Variants in PIK3C2B observed in about 807,000 individuals in gnomAD.
PIK3C2B encodes phosphatidylinositol 4-phosphate 3-kinase C2 domain-containing subunit beta.
PIK3C2B carries 83 observed loss-of-function variants against 184.3 expected under a neutral mutation model. The ratio of observed to expected loss-of-function variants is 0.45; its 90% CI spans 0.38 to 0.54. PIK3C2B has a LOEUF of 0.54. Ranked by LOEUF, PIK3C2B falls within the 20% of genes least tolerant of loss-of-function variation. PIK3C2B has a pLI of 0.00. For synonymous variants in PIK3C2B, 779 were observed against 837.6 expected (o/e 0.93, Z 1.21); for missense variants, 1,736 against 2,113.5 (o/e 0.82, Z 3.50).
chr1:204,438,075 C>G (rs956654917), intron 23 of PIK3C2B, among the ~76,000 whole-genome samples: 1 of 152,230 alleles, frequency 6.6e-6, no homozygotes, highest in Non-Finnish European at 1.5e-5. Flanking sequence ...ATTACACATT[C>G]ACTAAACAAT....
chr1:204,473,562 G>A (rs548773070), intron 1 of PIK3C2B, among the ~76,000 whole-genome samples: 18 of 152,326 alleles, frequency 1.2e-4, no homozygotes, highest in African/African-American at 4.3e-4. Context: ...GCTCAAAGTT[G>A]GATTGGGCTT....
rs1018742680 is a variant in PIK3C2B, at chr1:204,449,982, C to A, written c.2102G>T (p.Arg701Leu). The A allele has an allele frequency of 3.1e-6, 5 of 1,591,224 alleles. No individual in the cohort carries two copies. Among genetic ancestry groups the A allele is most frequent in the Non-Finnish European group, 4.3e-6 (5 of 1,168,446 alleles). ...GAGAGTGGCACACAGCAGTGTCTCC[C>A]GAGGCAGCCGGTTCACCTGCACTGG... ...CFPVQVNRLP[R>L]ETLLCATLYA... Residue 701 changes from arginine (R) to leucine (L), a missense_variant, in exon 13 of 33, where the codon CGG becomes CTG. Physicochemically the swap from Arg to Leu is moderately radical, Grantham distance 102. This residue lies in a region of PIK3C2B where 609 missense variants were observed against 699.2 expected (regional missense o/e 0.87). Coordinates refer to ENST00000684373, the MANE Select transcript of PIK3C2B (RefSeq NM_001377334.1).
In PIK3C2B at chr1:204,464,113, C is replaced by T. The variant is rs1307030564; in HGVS notation, c.1209G>A (p.Leu403=). The change falls in exon 5 of 33, where the codon TTG becomes TTA. Residue 403 remains leucine (L), a synonymous_variant. Transcript: ENST00000684373. ...TGTAGCACAGGGTCTGGTAGATAAG[C>T]AAGTCTACAGTGGAGGAACCTGTGA... ...FTCNCSSTVD[L]LIYQTLCYTH... 2 of 1,614,016 alleles carry T rather than the reference C, an allele frequency of 1.2e-6. No homozygotes were observed. The highest frequency in any genetic ancestry group is 3.3e-5 in the Admixed American group (2 of 59,980).
In PIK3C2B at chr1:204,449,311, G is replaced by C. The variant is rs1654153533; in HGVS notation, c.2235-15C>G. The C allele has an allele frequency of 1.3e-6, 2 of 1,579,792 alleles. No homozygotes were observed. The highest frequency in any genetic ancestry group is 1.7e-6 in the Non-Finnish European group (2 of 1,154,816). The stretch of plus-strand genomic sequence containing the variant: ...AGGTCAGGACCCTAAGAAGGAGGGA[G>C]AGTGGGAAGAGCTGCTAAAGTGGCT... On this transcript the variant is annotated splice_polypyrimidine_tract_variant and intron_variant, in intron 13 of 32. Transcript: ENST00000684373.
chr1:204,428,013 A>G, intron 30 of PIK3C2B, 126 bp downstream of exon 30: 1 of 660,036 alleles, frequency 1.5e-6, no homozygotes, highest in South Asian at 1.9e-5. Flanking sequence ...TAGATTTCCC[A>G]GAGAGTAAGA....
At position 204,459,904 on chromosome 1, in the gene PIK3C2B, C is replaced by G. The variant is rs1252780075; in HGVS notation, c.1540G>C (p.Glu514Gln). The change falls in exon 8 of 33, where the codon GAG becomes CAG. Residue 514 changes from glutamate (E) to glutamine (Q), a missense_variant. Physicochemically the swap from Glu to Gln is conservative, Grantham distance 29 (BLOSUM62 2). Coordinates refer to ENST00000684373, the MANE Select transcript of PIK3C2B (RefSeq NM_001377334.1). ...LSLLFDTYHNEVDAFLLADGD... is the reference protein window; with the variant it reads ...LSLLFDTYHNQVDAFLLADGD... The stretch of plus-strand genomic sequence containing the variant: ...TCAGCCAGCAGGAAGGCATCCACCT[C>G]ATTGTGGTAAGTGTCGAACAGAAGA... 3 of 1,613,806 alleles carry G rather than the reference C, an allele frequency of 1.9e-6. No homozygotes were observed. Among genetic ancestry groups the G allele is most frequent in the Non-Finnish European group, 1.7e-6 (2 of 1,180,004 alleles).
chr1:204,481,156 C>A lies in PIK3C2B; in HGVS notation c.-84-11270G>T, dbSNP rs1198070847. 3.9e-5 allele frequency among the ~76,000 whole-genome samples: 6 copies of A among 151,990 alleles called. 1 individual carries two copies. The highest frequency in any genetic ancestry group is 3.9e-4 in the East Asian group (2 of 5,168). On this transcript the variant is annotated intron_variant, in intron 1 of 32. Transcript: ENST00000684373. ...GCTTATCCCATACCCCTCACACCCT[C>A]CCCATACACACCCTACTCTCCCCCG...
intron 1 of PIK3C2B, among the ~76,000 whole-genome samples, chr1:204,489,365 T>C (rs1418116483): frequency 6.6e-6 from 1 of 152,016 alleles, no homozygotes; most frequent in African/African-American, 2.4e-5. Flanking sequence ...AGAGACAAGG[T>C]CTTGCTATGT....
chr1:204,491,569 T>C (rs887735165), intron 1 of PIK3C2B, among the ~76,000 whole-genome samples: 7 of 152,010 alleles, frequency 4.6e-5, no homozygotes, highest in Non-Finnish European at 1.5e-5. Context: ...GGTGCATGCC[T>C]ATAGTCCAAG....
At position 204,447,284 on chromosome 1, in the gene PIK3C2B, C is replaced by A. The variant is rs1390247106; in HGVS notation, c.2489+152G>T. 1.5e-6 allele frequency: 1 copy of A among 663,416 alleles called. No individual in the cohort carries two copies. The highest frequency in any genetic ancestry group is 2.1e-5 in the South Asian group (1 of 47,920). 41.1% of individuals were successfully genotyped at this position (663,416 alleles called of 1,614,324 possible). On this transcript the variant is annotated intron_variant, in intron 15 of 32. Transcript: ENST00000684373. The surrounding 1 kb of genome is among the most constrained non-coding windows in gnomAD (Gnocchi z 4.1). Reference sequence around the variant, plus strand: ...ACCTCTCCACTTTTCCTAGTGTCAGCTGATGGAGAAAGGCCTGGGGGCTGC... The same window carrying A: ...ACCTCTCCACTTTTCCTAGTGTCAGATGATGGAGAAAGGCCTGGGGGCTGC...
chr1:204,466,938 G>A (rs16853773), intron 2 of PIK3C2B: 97,540 of 532,072 alleles, frequency 0.18, 10,592 homozygotes, highest in East Asian at 0.4. Flanking sequence ...GAAGCCCGAC[G>A]AAAGCGGGGC....
chr1:204,457,849 C>T lies in PIK3C2B; in HGVS notation c.1592G>A (p.Arg531Lys). 1 of 1,613,232 alleles carries T rather than the reference C, an allele frequency of 6.2e-7. No individual in the cohort carries two copies. Among genetic ancestry groups the T allele is most frequent in the Non-Finnish European group, 8.5e-7 (1 of 1,179,752 alleles). ...GATGGCCTTGACGGACTGGACCACC[C>T]TGTCAGCCTTCAGTGGGAAGTCTCC... ...ADGDFPLKAD[R>K]VVQSVKAICN... The change falls in exon 9 of 33, where the codon AGG (arginine) becomes AAG (lysine). Residue 531 changes from arginine (R) to lysine (K), a missense_variant. By Grantham distance (26) the Arg-to-Lys change is conservative. Around this residue, in one of 8 missense-constraint regions of PIK3C2B, gnomAD observed 609 missense variants for 699.2 expected, o/e 0.87. Transcript: ENST00000684373.
chr1:204,486,241 T>G (rs1200470304), intron 1 of PIK3C2B, among the ~76,000 whole-genome samples: 1 of 150,906 alleles, frequency 6.6e-6, no homozygotes, highest in Non-Finnish European at 1.5e-5. Context: ...ACTAAATATA[T>G]AAAGTTAGCT....
rs1403005161 is a variant in PIK3C2B at position 204,442,525 on chromosome 1, C to T, written c.3156+1G>A. 1 of 1,549,084 alleles carries T rather than the reference C, an allele frequency of 6.5e-7. No individual in the cohort carries two copies. Among genetic ancestry groups the T allele is most frequent in the Non-Finnish European group, 8.7e-7 (1 of 1,144,272 alleles). ...GAGCCCCAAACCTACCAGTCACTCA[C>T]CCTGGGCACAATTCCCTTAACCAGC... On this transcript the variant is annotated splice_donor_variant, in intron 20 of 32. Coordinates refer to ENST00000684373, the MANE Select transcript of PIK3C2B (RefSeq NM_001377334.1). LOFTEE classifies it high-confidence loss of function.
In PIK3C2B at chr1:204,455,914, T is replaced by C; in HGVS notation, c.1885A>G (p.Arg629Gly). The C allele has an allele frequency of 6.2e-7, 1 of 1,614,174 alleles. No individual in the cohort carries two copies. The highest frequency in any genetic ancestry group is 1.7e-5 in the Admixed American group (1 of 60,026). Reference sequence around the variant, plus strand: ...GCATAGACAGTGAAGGCCAGGGACCTGGCGAAATGGCAGGCCTCCTGGACC... The same window carrying C: ...GCATAGACAGTGAAGGCCAGGGACCCGGCGAAATGGCAGGCCTCCTGGACC... ...DLVQEACHFARSLAFTVYATH... is the reference protein window; with the variant it reads ...DLVQEACHFAGSLAFTVYATH... Residue 629 changes from arginine to glycine, a missense_variant, in exon 11 of 33, where the codon AGG becomes GGG. Coordinates refer to ENST00000684373, the MANE Select transcript of PIK3C2B (RefSeq NM_001377334.1).
chr1:204,492,655 G>A (rs567952376), intron 1 of PIK3C2B, among the ~76,000 whole-genome samples: 1 of 152,194 alleles, frequency 6.6e-6, no homozygotes, highest in South Asian at 2.1e-4. Context: ...AGACCACCAA[G>A]GAAGTCCAAA....
chr1:204,458,078 C>CT (rs1655020182), intron 8 of PIK3C2B, among the ~76,000 whole-genome samples: 1 of 152,190 alleles, frequency 6.6e-6, no homozygotes, highest in Non-Finnish European at 1.5e-5. Flanking sequence ...GGGCCATGCC[C>CT]ACATGCCCCA....
chr1:204,464,148 TA>T lies in PIK3C2B; in HGVS notation c.1190-17del, dbSNP rs1156520040. 2 of 1,612,828 alleles carry T rather than the reference TA, an allele frequency of 1.2e-6. No individual in the cohort carries two copies. Among genetic ancestry groups the T allele is most frequent in the Admixed American group, 3.3e-5 (2 of 59,782 alleles). On this transcript the variant is annotated splice_polypyrimidine_tract_variant and intron_variant, in intron 4 of 32. Coordinates refer to ENST00000684373, the MANE Select transcript of PIK3C2B (RefSeq NM_001377334.1). The stretch of plus-strand genomic sequence containing the variant: ...GTGGAGGAACCTGTGAAGGGTAAGG[TA>T]GGGGGAGCAATCATGATGGATGTCA...
At chr1:204,452,338 G>A (rs114361129) in intron 12 of PIK3C2B, among the ~76,000 whole-genome samples, 3,108 of 115,400 alleles carry the variant, frequency 0.027, 124 homozygotes, top group African/African-American at 0.095. Flanking sequence ...CTCTGTTGCC[G>A]AGGCTGGATA....
Sources: gnomAD v4.1 joint callset for allele counts (sites outside exome capture counted in the v4.1 genomes callset) on GRCh38, gnomAD v4.1.1 for gene constraint, gnomAD v4.1.1 regional missense constraint, Gnocchi (gnomAD v3.1) non-coding constraint, MANE v1.5 for transcripts, NCBI Gene and HGNC (gene_info 2026-07-23, HGNC 2026-07-21) for gene names.